The following DPP6 variants were observed in gnomAD, a reference collection of about 807,000 sequenced individuals.
The protein encoded by DPP6 is A-type potassium channel modulatory protein DPP6.
In DPP6, 69 loss-of-function variants were observed where a neutral mutation model predicts 122.6. The ratio of observed to expected loss-of-function variants is 0.56; its 90% CI spans 0.46 to 0.69. DPP6 has a LOEUF of 0.69. DPP6 is among the 30% of genes least tolerant of loss of function. The pLI is 0.00. For missense variants in DPP6, 928 were observed against 1,116.9 expected, an observed-to-expected ratio of 0.83 and a Z score of 2.41; for synonymous variants, 418 against 433.1, an observed-to-expected ratio of 0.97 and a Z score of 0.43.
At chr7:154,209,914 A>C (rs1266578694) in intron 1 of DPP6, among the ~76,000 whole-genome samples, 1 of 152,192 alleles carries the variant, frequency 6.6e-6, no homozygotes. Flanking sequence ...ACAGATATGC[A>C]TGCAGTTAGA....
intron 1 of DPP6, among the ~76,000 whole-genome samples, chr7:153,888,472 C>T (rs921433089): frequency 6.6e-6 from 1 of 152,178 alleles, no homozygotes; most frequent in Non-Finnish European, 1.5e-5. Context: ...GCCCACCCGC[C>T]TCGCCGCTCC....
chr7:154,218,468 G>A (rs1461612682), intron 1 of DPP6, among the ~76,000 whole-genome samples: 1 of 152,158 alleles, frequency 6.6e-6, no homozygotes, highest in Non-Finnish European at 1.5e-5. Context: ...CCTTTAGATG[G>A]CCTCATGCAT....
chr7:154,840,209 C>T (rs950030906), intron 16 of DPP6, among the ~76,000 whole-genome samples: 7 of 152,202 alleles, frequency 4.6e-5, no homozygotes, highest in African/African-American at 1.7e-4. Context: ...AGTGACATCT[C>T]CCACCTTACA....
intron 1 of DPP6, among the ~76,000 whole-genome samples, chr7:154,251,696 G>T (rs1395162839): frequency 6.6e-6 from 1 of 152,224 alleles, no homozygotes; most frequent in African/African-American, 2.4e-5. Context: ...AAAAGCCAAA[G>T]AACTTGGAGT....
the DPP6 span, among the ~76,000 whole-genome samples, chr7:153,838,968 A>C: frequency 6.6e-6 from 1 of 152,180 alleles, no homozygotes; most frequent in South Asian, 2.1e-4. Context: ...CATTTGAGTC[A>C]GTTTCTAAAC....
At chr7:154,153,048 G>A (rs543336817) in intron 1 of DPP6, among the ~76,000 whole-genome samples, 63 of 152,342 alleles carry the variant, frequency 4.1e-4, no homozygotes, top group Admixed American at 9.8e-4. Flanking sequence ...TGTGATGGCC[G>A]CAATTGCAGC....
At chr7:154,666,930 C>T (rs1008793588) in intron 6 of DPP6, among the ~76,000 whole-genome samples, 1 of 152,200 alleles carries the variant, frequency 6.6e-6, no homozygotes, top group African/African-American at 2.4e-5. Flanking sequence ...AATGATTGCA[C>T]CAGCTTGCTT....
intron 1 of DPP6, among the ~76,000 whole-genome samples, chr7:154,231,060 A>G (rs1800890485): frequency 1.3e-5 from 2 of 152,128 alleles, no homozygotes; most frequent in African/African-American, 4.8e-5. Flanking sequence ...GCATCTAGTG[A>G]CTGATTCTTC....
At chr7:154,310,245 G>A (rs946110764) in intron 1 of DPP6, among the ~76,000 whole-genome samples, 32 of 152,310 alleles carry the variant, frequency 2.1e-4, no homozygotes, top group African/African-American at 7.7e-4. Flanking sequence ...GCTATCCTCA[G>A]AGGAGGGATG....
intron 1 of DPP6, among the ~76,000 whole-genome samples, chr7:153,942,291 C>T (rs569284552): frequency 6.6e-6 from 1 of 152,184 alleles, no homozygotes; most frequent in Admixed American, 6.5e-5. Flanking sequence ...CCTCTCCTTG[C>T]GACTTACAAG....
chr7:154,595,016 T>TG (rs1833009358), intron 5 of DPP6, among the ~76,000 whole-genome samples: 1 of 152,026 alleles, frequency 6.6e-6, no homozygotes, highest in Non-Finnish European at 1.5e-5. Context: ...ATCATTGATT[T>TG]TTTTTTTGGC....
chr7:154,766,877 C>A lies in DPP6; in HGVS notation c.884-2540C>A, dbSNP rs181080195. Among the ~76,000 whole-genome samples the A allele has an allele frequency of 1.7e-3, 261 of 152,266 alleles. 5 individuals are homozygous for A. The highest frequency in any genetic ancestry group is 2.8e-4 in the Non-Finnish European group (19 of 68,014). ...AGCGAGTCTAGAAATGAGATACAAA[C>A]AACCCTGGGTGGAAATGAGGGGTGA... On this transcript the variant is annotated intron_variant, in intron 8 of 25. Coordinates refer to ENST00000377770, the MANE Select transcript of DPP6 (RefSeq NM_130797.4).
At chr7:154,126,575 A>T (rs573434541) in intron 1 of DPP6, among the ~76,000 whole-genome samples, 1 of 151,544 alleles carries the variant, frequency 6.6e-6, no homozygotes, top group African/African-American at 2.4e-5. Context: ...CAAGATGAAC[A>T]TGGGTGTAGC....
chr7:154,632,483 C>T lies in DPP6; in HGVS notation c.628-5338C>T, dbSNP rs538336749. Among the ~76,000 whole-genome samples the T allele has an allele frequency of 5.9e-5, 9 of 152,288 alleles. No homozygotes were observed. The South Asian group carries it at 1.9e-3, about 32-fold the overall frequency. ...GAGGGAAGGAAAACTACATTTTCAA[C>T]TCAGCTTACTGAGTGCATGATGGAG... On this transcript the variant is annotated intron_variant, in intron 5 of 25. Transcript: ENST00000377770.
chr7:154,876,331 T>C, intron 20 of DPP6: 2 of 743,864 alleles, frequency 2.7e-6, no homozygotes, highest in Non-Finnish European at 1.9e-6. Context: ...GATTGTTGAG[T>C]TGACTAAAAC....
chr7:154,669,042 A>G (rs1348649637), intron 6 of DPP6, among the ~76,000 whole-genome samples: 1 of 152,168 alleles, frequency 6.6e-6, no homozygotes, highest in Non-Finnish European at 1.5e-5. Flanking sequence ...CTGCATTTTA[A>G]TTTTTAACTT....
In DPP6 at chr7:154,062,058, C is replaced by A. The variant is rs1266602263; in HGVS notation, c.243+8995C>A. 9.8e-5 allele frequency among the ~76,000 whole-genome samples: 10 copies of A among 101,802 alleles called. 1 individual carries two copies. The highest frequency in any genetic ancestry group is 1.7e-4 in the Non-Finnish European group (8 of 47,770). 66.8% of individuals were successfully genotyped at this position (101,802 alleles called of 152,430 possible). ...CCGCGAGGCAGGGACTGACAGCCAG[C>A]CCCTGGTTCCCCCACTGGCTCTTAG... On this transcript the variant is annotated intron_variant, in intron 1 of 25. Coordinates refer to ENST00000377770, the MANE Select transcript of DPP6 (RefSeq NM_130797.4).
At chr7:153,981,912 G>A (rs1161082613) in intron 1 of DPP6, among the ~76,000 whole-genome samples, 10 of 151,830 alleles carry the variant, frequency 6.6e-5, no homozygotes, top group East Asian at 1.9e-4. Flanking sequence ...AGAGAGATCC[G>A]CTGTTAGTCT....
chr7:153,871,661 G>A, the DPP6 span, among the ~76,000 whole-genome samples: 3 of 152,056 alleles, frequency 2.0e-5, no homozygotes, highest in Non-Finnish European at 4.4e-5. Flanking sequence ...CCACTGTCCT[G>A]CACCCACTGT....
Sources: gnomAD v4.1 joint callset for allele counts (sites outside exome capture counted in the v4.1 genomes callset) on GRCh38, gnomAD v4.1.1 for gene constraint, MANE v1.5 for transcripts, NCBI Gene and HGNC (gene_info 2026-07-23, HGNC 2026-07-21) for gene names.